DOK6: variants seen among roughly 807,000 people sequenced by gnomAD.
DOK6 encodes downstream of tyrosine kinase 6.
In DOK6, 22 loss-of-function variants were observed where a neutral mutation model predicts 44.0. That is an observed-to-expected ratio of 0.50 (90% confidence interval 0.36 to 0.71). The LOEUF (loss-of-function observed/expected upper bound fraction) is 0.71. DOK6 is among the 30% of genes least tolerant of loss of function. The pLI is 0.00. For missense variants in DOK6, 340 were observed against 416.4 expected (o/e 0.82, Z 1.60); for synonymous variants, 166 against 145.5 (o/e 1.14, Z -1.01).
At chr18:69,679,955 C>A in intron 4 of DOK6, among the ~76,000 whole-genome samples, 1 of 151,970 alleles carries the variant, frequency 6.6e-6, no homozygotes, top group African/African-American at 2.4e-5. Context: ...CACACACACA[C>A]AACACACATA....
intron 3 of DOK6, among the ~76,000 whole-genome samples, chr18:69,622,188 C>T (rs563420129): frequency 4.0e-4 from 61 of 152,236 alleles, no homozygotes; most frequent in African/African-American, 1.3e-3. Flanking sequence ...GTTTTCCAGG[C>T]GCACATCTTA....
chr18:69,633,963 T>C (rs563464251), intron 3 of DOK6, among the ~76,000 whole-genome samples: 66 of 152,172 alleles, frequency 4.3e-4, no homozygotes, highest in African/African-American at 1.5e-3. Context: ...AAAAGTAATA[T>C]TGAAAGTCTT....
At chr18:69,715,238 A>C (rs939990900) in intron 5 of DOK6, among the ~76,000 whole-genome samples, 5 of 152,218 alleles carry the variant, frequency 3.3e-5, no homozygotes, top group Non-Finnish European at 4.4e-5. Context: ...TTGTTTTTAG[A>C]ATTAAGTGAG....
rs550038930 is a variant in DOK6, at chr18:69,430,944, G to A, written c.66+29634G>A. 1.4e-4 allele frequency among the ~76,000 whole-genome samples: 21 copies of A among 152,248 alleles called. 1 individual carries two copies. In the South Asian group the frequency reaches 3.5e-3, roughly 26 times the overall value. ...TTGCGCCACTGCACTCTAGCCTGGC[G>A]ACAGAGCGAGTCTCCGTCTCAAAAT... On this transcript the variant is annotated intron_variant, in intron 1 of 7. Transcript: ENST00000382713.
chr18:69,586,987 G>A (rs1442804741), intron 2 of DOK6, among the ~76,000 whole-genome samples: 1 of 152,164 alleles, frequency 6.6e-6, no homozygotes, highest in Non-Finnish European at 1.5e-5. Context: ...AAGCAGGGAT[G>A]TATCCCTTGC....
At chr18:69,512,162 G>C (rs547562597) in intron 1 of DOK6, among the ~76,000 whole-genome samples, 1 of 145,110 alleles carries the variant, frequency 6.9e-6, no homozygotes, top group East Asian at 2.0e-4. Flanking sequence ...CATATTTGCA[G>C]ATGGGTCTCC....
In DOK6 at chr18:69,673,230, G is replaced by GTATATATATA. The variant is rs71176998; in HGVS notation, c.290-4498_290-4489dup. Among the ~76,000 whole-genome samples, 221 of 150,258 alleles carry GTATATATATA rather than the reference G, an allele frequency of 1.5e-3. 1 individual carries two copies. Among genetic ancestry groups the GTATATATATA allele is most frequent in the East Asian group, 5.3e-3 (27 of 5,072 alleles). On this transcript the variant is annotated intron_variant, in intron 3 of 7. Coordinates refer to ENST00000382713, the MANE Select transcript of DOK6 (RefSeq NM_152721.6). ...TGGGCTGATAGCATATTTTCTGTGT[G>GTATATATATA]TATATATATATATATGATGAAAACT...
At chr18:69,409,194 C>T (rs1978295878) in intron 1 of DOK6, among the ~76,000 whole-genome samples, 1 of 152,164 alleles carries the variant, frequency 6.6e-6, no homozygotes, top group Non-Finnish European at 1.5e-5. Context: ...AGGTGCCTTC[C>T]ACCATGATTG....
At chr18:69,713,414 GC>G (rs1400650700) in intron 5 of DOK6, among the ~76,000 whole-genome samples, 2 of 152,140 alleles carry the variant, frequency 1.3e-5, no homozygotes, top group Non-Finnish European at 2.9e-5. Flanking sequence ...TAAGCTTCCT[GC>G]ATACCAAATC....
In DOK6 at chr18:69,757,857, A is replaced by G. The variant is rs776457440; in HGVS notation, c.840A>G (p.Glu280=). Residue 280 remains glutamate, a synonymous_variant, in exon 7 of 8, where the codon GAA becomes GAG. Transcript: ENST00000382713. ...TCACTCGTCAGAACAGCGTTGGTGAAATCTACAGTTTGCAAGGCAAGTCAC... is the reference window on the plus strand; with the variant it reads ...TCACTCGTCAGAACAGCGTTGGTGAGATCTACAGTTTGCAAGGCAAGTCAC... The part of the protein sequence containing the change: ...HHITRQNSVG[E]IYSLQGHGFG... 6.2e-7 allele frequency: 1 copy of G among 1,614,082 alleles called. No individual in the cohort carries two copies. Among genetic ancestry groups the G allele is most frequent in the Non-Finnish European group, 8.5e-7 (1 of 1,179,932 alleles).
intron 7 of DOK6, among the ~76,000 whole-genome samples, chr18:69,835,389 C>T (rs1484649538): frequency 2.0e-5 from 3 of 151,724 alleles, no homozygotes; most frequent in East Asian, 1.9e-4. Flanking sequence ...GGCGTGAACC[C>T]GGGAGGTGGA....
intron 4 of DOK6, among the ~76,000 whole-genome samples, chr18:69,689,050 G>A (rs192851134): frequency 4.6e-5 from 7 of 152,232 alleles, no homozygotes; most frequent in African/African-American, 1.7e-4. Context: ...TCAAGAAAGT[G>A]CCATCAAAAA....
intron 1 of DOK6, among the ~76,000 whole-genome samples, chr18:69,556,478 A>G (rs1982689864): frequency 6.6e-6 from 1 of 152,178 alleles, no homozygotes; most frequent in African/African-American, 2.4e-5. Flanking sequence ...GCAAAAAAAA[A>G]TTAAAATAAA....
Position 69,848,019 on chromosome 18 carries a change from T to TCACACACACA in DOK6, c.*6671_*6680dup, listed in dbSNP as rs59389862. On this transcript the variant is annotated 3_prime_UTR_variant, in exon 8 of 8. Coordinates refer to ENST00000382713, the MANE Select transcript of DOK6 (RefSeq NM_152721.6). ...CCTCCACCCCAACCTTAGTGCATGC[T>TCACACACACA]CACACACACACACACACACACACAC... The TCACACACACA allele has an allele frequency of 1.7e-4, 25 of 143,728 alleles. No individual in the cohort carries two copies. The highest frequency in any genetic ancestry group is 6.3e-4 in the African/African-American group (24 of 38,298). 8.9% of individuals were successfully genotyped at this position (143,728 alleles called of 1,614,324 possible). A position where few individuals can be genotyped will look rare whatever the true frequency, so the allele number is the denominator to read the frequency against.
At chr18:69,459,190 TGTGTG>T (rs1979720380) in intron 1 of DOK6, among the ~76,000 whole-genome samples, 8 of 1,996 alleles carry the variant, frequency 4.0e-3, no homozygotes, top group East Asian at 0.1. Context: ...AAATATTTTG[TGTGTG>T]TGTGTGTGTG....
intron 1 of DOK6, among the ~76,000 whole-genome samples, chr18:69,513,119 G>A (rs200575214): frequency 1.5e-4 from 23 of 151,988 alleles, no homozygotes; most frequent in African/African-American, 5.3e-4. Flanking sequence ...AACAAAGCTC[G>A]TTCACTAAAT....
chr18:69,736,217 T>A (rs1415835027), intron 5 of DOK6, among the ~76,000 whole-genome samples: 1 of 152,234 alleles, frequency 6.6e-6, no homozygotes, highest in East Asian at 1.9e-4. Context: ...GAAAATTATA[T>A]GATACATTTA....
intron 1 of DOK6, among the ~76,000 whole-genome samples, chr18:69,418,669 G>T (rs762177699): frequency 1.5e-4 from 23 of 151,834 alleles, no homozygotes; most frequent in Admixed American, 2.6e-4. Flanking sequence ...ATGGGGTCTT[G>T]CTGTGTTGCC....
intron 5 of DOK6, among the ~76,000 whole-genome samples, chr18:69,732,578 TTAAAG>T (rs1978447549): frequency 6.6e-6 from 1 of 152,062 alleles, no homozygotes; most frequent in African/African-American, 2.4e-5. Flanking sequence ...TCTTATTGAG[TTAAAG>T]TAAAAGAAAG....
Sources: gnomAD v4.1 joint callset for allele counts (sites outside exome capture counted in the v4.1 genomes callset) on GRCh38, gnomAD v4.1.1 for gene constraint, MANE v1.5 for transcripts, NCBI Gene and HGNC (gene_info 2026-07-23, HGNC 2026-07-21) for gene names.